PRKAR1A: variants seen among roughly 807,000 people sequenced by gnomAD.
PRKAR1A encodes protein kinase cAMP-dependent type I regulatory subunit alpha, also known as cAMP-dependent protein kinase type I-alpha regulatory subunit.
In PRKAR1A, 3 loss-of-function variants were observed where a neutral mutation model predicts 52.0. That is an observed-to-expected ratio of 0.06 (90% CI 0.03 to 0.15). PRKAR1A has a LOEUF of 0.15. PRKAR1A is among the 10% of genes least tolerant of loss of function. The pLI, the probability that PRKAR1A is intolerant of heterozygous loss-of-function variation, is 1.00. For synonymous variants in PRKAR1A, 188 were observed against 168.4 expected, an observed-to-expected ratio of 1.12 and a Z score of -0.90; for missense variants, 240 against 477.4, an observed-to-expected ratio of 0.50 and a Z score of 4.63.
the PRKAR1A span, among the ~76,000 whole-genome samples, chr17:68,418,759 AC>A: frequency 2.6e-5 from 4 of 152,056 alleles, no homozygotes; most frequent in African/African-American, 4.8e-5. Flanking sequence ...ATTCCATCCT[AC>A]AGGGTCCCCT....
intron 1 of PRKAR1A, chr17:68,513,135 C>G (rs942884529): frequency 4.6e-5 from 7 of 152,458 alleles, no homozygotes; most frequent in African/African-American, 9.6e-5. Flanking sequence ...ATTTTGCCCC[C>G]CTGAGGCCTC....
the PRKAR1A span, among the ~76,000 whole-genome samples, chr17:68,488,544 A>G: frequency 6.6e-6 from 1 of 152,120 alleles, no homozygotes; most frequent in African/African-American, 2.4e-5. Flanking sequence ...CCTGACCAAC[A>G]TGGCAAAACC....
the PRKAR1A span, among the ~76,000 whole-genome samples, chr17:68,449,975 C>T: frequency 5.9e-5 from 9 of 152,292 alleles, no homozygotes; most frequent in East Asian, 1.5e-3. Context: ...TGTGCCACTG[C>T]ATTCCAGCCT....
the PRKAR1A span, among the ~76,000 whole-genome samples, chr17:68,474,366 G>C: frequency 2.0e-5 from 3 of 152,200 alleles, no homozygotes; most frequent in Non-Finnish European, 2.9e-5. Context: ...GATGCTGACA[G>C]AAGGTTACTT....
At chr17:68,495,608 G>A in the PRKAR1A span, among the ~76,000 whole-genome samples, 1 of 152,058 alleles carries the variant, frequency 6.6e-6, no homozygotes, top group African/African-American at 2.4e-5. Context: ...TGTTTGTATT[G>A]CACGTGCTTC....
chr17:68,476,375 G>A, the PRKAR1A span, among the ~76,000 whole-genome samples: 3 of 152,062 alleles, frequency 2.0e-5, no homozygotes, highest in Non-Finnish European at 2.9e-5. Context: ...AGGAAGTGGA[G>A]GTCTCCATTT....
At chr17:68,541,559 A>G in intron 11 of PRKAR1A, 1 of 194,284 alleles carries the variant, frequency 5.1e-6, no homozygotes, top group East Asian at 1.3e-4. Context: ...GGAGGGTGCT[A>G]GGTCCTGGGG....
the PRKAR1A span, chr17:68,434,611 C>T: frequency 3.1e-6 from 5 of 1,613,918 alleles, no homozygotes; most frequent in Middle Eastern, 1.6e-4. Context: ...ACAGAGAACA[C>T]CCGGATGACT....
At chr17:68,436,505 G>C in the PRKAR1A span, 66 of 1,606,090 alleles carry the variant, frequency 4.1e-5, no homozygotes, top group Middle Eastern at 8.2e-4. Context: ...CAGAACATGA[G>C]AAGCCTGGGG....
At chr17:68,506,644 C>A in the PRKAR1A span, among the ~76,000 whole-genome samples, 386 of 151,996 alleles carry the variant, frequency 2.5e-3, 1 homozygote, top group African/African-American at 8.8e-3. Flanking sequence ...CCACCACACC[C>A]GGCTAATTTT....
the PRKAR1A span, among the ~76,000 whole-genome samples, chr17:68,455,705 A>G: frequency 6.6e-6 from 1 of 152,184 alleles, no homozygotes; most frequent in African/African-American, 2.4e-5. Context: ...CTTTCAAAGC[A>G]CCCTACCGTT....
At chr17:68,457,565 TCCCCACCCCGCCCCTACCCCG>T in the PRKAR1A span, 17 of 94,904 alleles carry the variant, frequency 1.8e-4, 1 homozygote, top group South Asian at 3.6e-3. Context: ...CCCCGCCCCG[TCCCCACCCCGCCCCTACCCCG>T]CCCCGTCCCC....
intron 9 of PRKAR1A, 102 bp from the exon 10 acceptor site, chr17:68,529,818 T>G (rs900312789): frequency 1.9e-6 from 2 of 1,073,410 alleles, no homozygotes; most frequent in Admixed American, 1.7e-5. Context: ...TTTTATCATA[T>G]GCACACATTT....
chr17:68,425,151 G>T, the PRKAR1A span, among the ~76,000 whole-genome samples: 2 of 152,190 alleles, frequency 1.3e-5, no homozygotes, highest in Non-Finnish European at 2.9e-5. Flanking sequence ...CCAGCTAAAG[G>T]TGCTCGGGCA....
the PRKAR1A span, among the ~76,000 whole-genome samples, chr17:68,432,250 G>A: frequency 1.3e-4 from 20 of 152,064 alleles, no homozygotes; most frequent in South Asian, 2.1e-4. Context: ...ATGAGGGGAC[G>A]TCAGTCCCAT....
At chr17:68,474,822 A>G in the PRKAR1A span, among the ~76,000 whole-genome samples, 1 of 152,174 alleles carries the variant, frequency 6.6e-6, no homozygotes, top group Admixed American at 6.5e-5. Context: ...TGGAGGTTGC[A>G]GTGAGCCGAG....
At chr17:68,466,811 C>T in the PRKAR1A span, among the ~76,000 whole-genome samples, 6 of 152,138 alleles carry the variant, frequency 3.9e-5, no homozygotes, top group African/African-American at 9.7e-5. Flanking sequence ...GTGAACAACG[C>T]GGTGACATCT....
At chr17:68,537,052 C>T (rs1479492504), downstream of PRKAR1A, 1 of 456,708 alleles carries the variant, frequency 2.2e-6, no homozygotes, top group Non-Finnish European at 4.4e-6. This position sits in a 1 kb window ranked among gnomAD's most constrained non-coding sequence, Gnocchi z 4.2. Context: ...TTGTGATAGG[C>T]CAGGTGTTTT....
chr17:68,443,900 A>G, the PRKAR1A span, among the ~76,000 whole-genome samples: 4 of 152,252 alleles, frequency 2.6e-5, no homozygotes, highest in Non-Finnish European at 5.9e-5. Flanking sequence ...ATGAATTCAT[A>G]TAATGTCATC....
Sources: gnomAD v4.1 joint callset for allele counts (sites outside exome capture counted in the v4.1 genomes callset) on GRCh38, gnomAD v4.1.1 for gene constraint, Gnocchi (gnomAD v3.1) non-coding constraint, MANE v1.5 for transcripts, NCBI Gene and HGNC (gene_info 2026-07-23, HGNC 2026-07-21) for gene names.